CA10: variants seen among roughly 807,000 people sequenced by gnomAD.
The protein encoded by CA10 is carbonic anhydrase 10 (inactive).
CA10 carries 14 observed loss-of-function variants against 44.2 expected under a neutral mutation model. That is an observed-to-expected ratio of 0.32 (90% CI 0.21 to 0.50). CA10 has a LOEUF of 0.50. Among genes scored for constraint, CA10 ranks in the 20% least tolerant of loss-of-function variants. The pLI is 0.99. For synonymous variants in CA10, 159 were observed against 141.6 expected, an observed-to-expected ratio of 1.12 and a Z score of -0.87; for missense variants, 350 against 409.7, an observed-to-expected ratio of 0.85 and a Z score of 1.26.
At chr17:52,092,665 GCT>G (rs1375784551) in intron 1 of CA10, among the ~76,000 whole-genome samples, 1 of 152,070 alleles carries the variant, frequency 6.6e-6, no homozygotes, top group Non-Finnish European at 1.5e-5. Flanking sequence ...TTTCCTGCCA[GCT>G]CTCTTTTTCA....
At chr17:52,052,669 G>A (rs946664750) in intron 2 of CA10, among the ~76,000 whole-genome samples, 9 of 152,002 alleles carry the variant, frequency 5.9e-5, no homozygotes, top group African/African-American at 1.9e-4. Flanking sequence ...CTGAGAATAA[G>A]CTCCTTGTAG....
intron 3 of CA10, among the ~76,000 whole-genome samples, chr17:51,881,022 G>A (rs912267521): frequency 6.6e-6 from 1 of 151,990 alleles, no homozygotes; most frequent in African/African-American, 2.4e-5. Context: ...CGGATCATGA[G>A]GTCAGGAGAT....
chr17:51,681,681 G>T (rs1295930033), intron 4 of CA10, among the ~76,000 whole-genome samples: 2 of 152,154 alleles, frequency 1.3e-5, no homozygotes, highest in Non-Finnish European at 2.9e-5. Context: ...AGTCGTGGCT[G>T]TTTATCTTTT....
intron 4 of CA10, among the ~76,000 whole-genome samples, chr17:51,692,375 C>A (rs577683386): frequency 1.7e-5 from 1 of 57,740 alleles, no homozygotes; most frequent in African/African-American, 9.4e-5. Context: ...TCCTATCTAT[C>A]TATCTATCTA....
At chr17:52,081,316 A>G (rs1432494688) in intron 1 of CA10, among the ~76,000 whole-genome samples, 1 of 152,198 alleles carries the variant, frequency 6.6e-6, no homozygotes, top group Non-Finnish European at 1.5e-5. Flanking sequence ...AGGTGGATTC[A>G]AAGACTGAAA....
intron 4 of CA10, among the ~76,000 whole-genome samples, chr17:51,681,396 G>C (rs927058324): frequency 5.3e-5 from 8 of 152,130 alleles, no homozygotes; most frequent in African/African-American, 1.9e-4. Flanking sequence ...AAAATTAGAG[G>C]GGAACCAATT....
chr17:51,678,428 C>A (rs143808712), intron 4 of CA10, among the ~76,000 whole-genome samples: 29 of 152,254 alleles, frequency 1.9e-4, no homozygotes, highest in Admixed American at 9.2e-4. Flanking sequence ...AAGGCTGAGC[C>A]TGAATAACTG....
At chr17:51,983,116 C>T (rs187147456) in intron 2 of CA10, among the ~76,000 whole-genome samples, 4 of 151,582 alleles carry the variant, frequency 2.6e-5, no homozygotes, top group East Asian at 1.9e-4. Context: ...TCATTTTAAA[C>T]TCTTTTGTGT....
At chr17:52,157,623 G>A (rs555176104) in intron 1 of CA10, 103 bp downstream of exon 1, 2 of 1,035,790 alleles carry the variant, frequency 1.9e-6, no homozygotes, top group East Asian at 2.4e-5. Flanking sequence ...AAAGGGTCTC[G>A]CCACCCCTCT....
rs2144081389 is a variant in CA10 at position 51,977,763 on chromosome 17, A to G, written c.137-46631T>C. 1.3e-5 allele frequency among the ~76,000 whole-genome samples: 2 copies of G among 152,272 alleles called. 1 individual carries two copies. The highest frequency in any genetic ancestry group is 6.8e-3 in the Middle Eastern group (2 of 294). On this transcript the variant is annotated intron_variant, in intron 2 of 8. Coordinates refer to ENST00000451037, the MANE Select transcript of CA10 (RefSeq NM_020178.5). ...GCCATTGTTGTTTATAGACACTGTG[A>G]TTGTGAACACATACAGTTCTAAGAA...
chr17:51,759,536 C>A (rs2188312), intron 3 of CA10, among the ~76,000 whole-genome samples: 59,021 of 149,870 alleles, frequency 0.39, 12,596 homozygotes, highest in Middle Eastern at 0.51. Context: ...GATTGGATGT[C>A]TATTTACCAG....
At chr17:52,124,599 C>T (rs1346124557) in intron 1 of CA10, among the ~76,000 whole-genome samples, 1 of 152,138 alleles carries the variant, frequency 6.6e-6, no homozygotes, top group Non-Finnish European at 1.5e-5. Flanking sequence ...CATAATTTGG[C>T]TTGTCTGACT....
At chr17:52,152,626 C>A (rs1989726495) in intron 1 of CA10, among the ~76,000 whole-genome samples, 1 of 152,088 alleles carries the variant, frequency 6.6e-6, no homozygotes, top group East Asian at 1.9e-4. Context: ...TACAACTTTG[C>A]ATTTATAATA....
At chr17:52,106,146 T>C (rs1988657267) in intron 1 of CA10, among the ~76,000 whole-genome samples, 1 of 152,220 alleles carries the variant, frequency 6.6e-6, no homozygotes, top group Non-Finnish European at 1.5e-5. Flanking sequence ...AAGGAAAGTT[T>C]TCTAAATGCA....
Position 51,844,207 on chromosome 17 carries a change from GA to G in CA10, c.279+86782del, listed in dbSNP as rs1450960918. On this transcript the variant is annotated intron_variant, in intron 3 of 8. Coordinates refer to ENST00000451037, the MANE Select transcript of CA10 (RefSeq NM_020178.5). ...AGGATAATGATAGTTTAGGCTTCCA[GA>G]AGAGAATGCCATGAATCCCAATAGA... is the stretch of plus-strand genomic sequence containing the variant. Among the ~76,000 whole-genome samples, 3 of 152,186 alleles carry G rather than the reference GA, an allele frequency of 2.0e-5. No individual in the cohort carries two copies. In the East Asian group the frequency reaches 5.8e-4, roughly 29 times the overall value.
At chr17:52,109,427 G>A (rs1338693630) in intron 1 of CA10, among the ~76,000 whole-genome samples, 1 of 152,194 alleles carries the variant, frequency 6.6e-6, no homozygotes, top group Non-Finnish European at 1.5e-5. Flanking sequence ...GTTTGATTCT[G>A]CACTAACTTT....
intron 4 of CA10, among the ~76,000 whole-genome samples, chr17:51,690,884 G>A (rs1016010594): frequency 7.9e-5 from 12 of 151,724 alleles, no homozygotes; most frequent in African/African-American, 2.7e-4. Flanking sequence ...ATTCATCTAG[G>A]TTGTCTCAAA....
chr17:51,770,582 G>A (rs1479731347), intron 3 of CA10, among the ~76,000 whole-genome samples: 1 of 152,186 alleles, frequency 6.6e-6, no homozygotes, highest in African/African-American at 2.4e-5. Context: ...GGTACTGATT[G>A]TATTAGGCTG....
intron 3 of CA10, among the ~76,000 whole-genome samples, chr17:51,766,974 A>T (rs1905408128): frequency 6.6e-6 from 1 of 152,224 alleles, no homozygotes; most frequent in African/African-American, 2.4e-5. Context: ...CTCATTGTCC[A>T]GAAGTCTTGG....
Sources: allele counts gnomAD v4.1 joint callset (sites outside exome capture counted in the v4.1 genomes callset), GRCh38; gene constraint gnomAD v4.1.1; transcripts MANE v1.5; gene names NCBI Gene and HGNC (gene_info 2026-07-23, HGNC 2026-07-21).